Variants in GBX2 observed in about 807,000 individuals in gnomAD.
GBX2 encodes gastrulation brain homeobox 2, also known as homeobox protein GBX-2.
Under a neutral mutation model 22.4 loss-of-function variants are expected in GBX2, and 5 were observed. That is an observed-to-expected ratio of 0.22 (90% CI 0.12 to 0.47). GBX2 has a LOEUF of 0.47. Among genes scored for constraint, GBX2 ranks in the 20% least tolerant of loss-of-function variants. The pLI, the probability that GBX2 is intolerant of heterozygous loss-of-function variation, is 0.99. For synonymous variants in GBX2, 220 were observed against 230.5 expected (o/e 0.95, Z 0.41); for missense variants, 470 against 495.4 (o/e 0.95, Z 0.49).
At chr2:236,162,772 T>C (rs1319938437), downstream of GBX2, among the ~76,000 whole-genome samples, 2 of 152,350 alleles carry the variant, frequency 1.3e-5, no homozygotes, top group African/African-American at 4.8e-5. Flanking sequence ...GTGGAATTTA[T>C]TGTAACAACA....
At chr2:236,164,733 G>A (rs1322531637), downstream of GBX2, among the ~76,000 whole-genome samples, 2 of 152,304 alleles carry the variant, frequency 1.3e-5, no homozygotes, top group African/African-American at 2.4e-5. Flanking sequence ...AGCCGGCTGG[G>A]CTCGCTGGGT....
chr2:236,167,092 C>T, intron 1 of GBX2: 1 of 1,519,094 alleles, frequency 6.6e-7, no homozygotes, highest in Non-Finnish European at 8.8e-7. Flanking sequence ...ACACGCACGG[C>T]TGAGACGCGC....
Position 236,167,440 on chromosome 2 carries a change from C to G in GBX2, c.523+9G>C. 1 of 1,510,898 alleles carries G rather than the reference C, an allele frequency of 6.6e-7. No homozygotes were observed. Among genetic ancestry groups the G allele is most frequent in the East Asian group, 2.6e-5 (1 of 37,808 alleles). The allele number at this position is 1,510,898 out of a possible 1,614,324, so 93.6% of individuals were successfully genotyped here. On this transcript the variant is annotated intron_variant, in intron 1 of 1. Transcript: ENST00000306318. ...CCCCTCGTCCCGGCTGCGCGCGCCG[C>G]CGACTCACCGAGCGAAGCCTGCACC...
chr2:236,167,993 G>A lies in GBX2; in HGVS notation c.-22C>T. 1.3e-6 allele frequency: 2 copies of A among 1,515,754 alleles called. No homozygotes were observed. The highest frequency in any genetic ancestry group is 2.8e-5 in the East Asian group (1 of 36,152). 93.9% of individuals were successfully genotyped at this position (1,515,754 alleles called of 1,614,324 possible). A position where few individuals can be genotyped will look rare whatever the true frequency, so the allele number is the denominator to read the frequency against. On this transcript the variant is annotated 5_prime_UTR_variant, in exon 1 of 2. Transcript: ENST00000306318. Reference sequence around the variant, plus strand: ...TCATAGACGCGCTCGGTAGAGGCCAGCGAGAGGCGAAAAGTCCCCGCGCCG... The same window carrying A: ...TCATAGACGCGCTCGGTAGAGGCCAACGAGAGGCGAAAAGTCCCCGCGCCG...
Position 236,167,786 on chromosome 2 carries a change from C to A in GBX2, c.186G>T (p.Pro62=). ...GCAGCGCGGCCTGGGGCAGCGCGGG[C>A]GGCGGCGGCGGCGGCGGCGGCAGCA... is the stretch of plus-strand genomic sequence containing the variant. ...PVVLPPPPPP[P]PALPQAALQP... is the part of the protein sequence containing the mutation. The change falls in exon 1 of 2, where the codon CCG becomes CCT. Residue 62 remains proline, a synonymous_variant. Transcript: ENST00000306318. 4 of 1,337,262 alleles carry A rather than the reference C, an allele frequency of 3.0e-6. No homozygotes were observed. In the South Asian group the frequency reaches 8.3e-5, roughly 28 times the overall value. 82.8% of individuals were successfully genotyped at this position (1,337,262 alleles called of 1,614,324 possible). A position where few individuals can be genotyped will look rare whatever the true frequency, so the allele number is the denominator to read the frequency against.
At position 236,167,137 on chromosome 2, in the gene GBX2, C is replaced by T. The variant is rs1170726188; in HGVS notation, c.523+312G>A. 6 of 1,535,452 alleles carry T rather than the reference C, an allele frequency of 3.9e-6. No homozygotes were observed. In the Admixed American group the frequency reaches 5.9e-5, roughly 15 times the overall value. ...CGTCTCCCCTAGAGGCTGCAACCTA[C>T]CCGGAACCCCAGGTCACCGCGGAGC... On this transcript the variant is annotated intron_variant, in intron 1 of 1. Coordinates refer to ENST00000306318, the MANE Select transcript of GBX2 (RefSeq NM_001485.4).
At chr2:236,161,727 C>T (rs1417732840), downstream of GBX2, among the ~76,000 whole-genome samples, 1 of 152,194 alleles carries the variant, frequency 6.6e-6, no homozygotes, top group African/African-American at 2.4e-5. Flanking sequence ...TAGGTGTGTG[C>T]ACTGGAGCCT....
rs112186240 is a variant in GBX2, at chr2:236,167,453, C to G, written c.519G>C (p.Ser173=). 0.11 allele frequency: 173,628 copies of G among 1,541,750 alleles called. 10,736 individuals are homozygous for G. Among genetic ancestry groups the G allele is most frequent in the South Asian group, 0.14 (12,084 of 84,768 alleles). The change falls in exon 1 of 2, where the codon TCG becomes TCC. Residue 173 remains serine (S), a synonymous_variant. Coordinates refer to ENST00000306318, the MANE Select transcript of GBX2 (RefSeq NM_001485.4). ...CTGCGCGCGCCGCCGACTCACCGAG[C>G]GAAGCCTGCACCGTCTCGGCCGCGG... ...AFSAAETVQA[S]LVGAVRGQGK...
Position 236,167,886 on chromosome 2 carries a change from C to A in GBX2, c.86G>T (p.Gly29Val). 6.4e-7 allele frequency: 1 copy of A among 1,553,072 alleles called. No homozygotes were observed. Among genetic ancestry groups the A allele is most frequent in the Non-Finnish European group, 8.7e-7 (1 of 1,153,056 alleles). ...GCCGGGGCTGGGCTGCGGCGGGCTG[C>A]CGATCAGCGAGTCTATGCTGAAGGC... ...STAFSIDSLI[G>V]SPPQPSPGHF... Residue 29 changes from glycine to valine, a missense_variant, in exon 1 of 2, where the codon GGC becomes GTC. Transcript: ENST00000306318.
chr2:236,166,224 T>G lies in GBX2; in HGVS notation c.737A>C (p.Lys246Thr). 6.2e-7 allele frequency: 1 copy of G among 1,613,784 alleles called. No individual in the cohort carries two copies. The change falls in exon 2 of 2, where the codon AAG (lysine) becomes ACG (threonine). Residue 246 changes from lysine (K) to threonine (T), a missense_variant. This residue lies in a region of GBX2 where 377 missense variants were observed against 358.6 expected (regional missense o/e 1.05). Transcript: ENST00000306318. The surrounding 1 kb of genome is among the most constrained non-coding windows in gnomAD (Gnocchi z 6.6). ...GAAGGCAGTCCGCCGCCGCCGGTTC[T>G]TGCCCGTAGACGTGGTGCTGCCCGC... ...GAAGSTTSTG[K>T]NRRRRTAFTS...
intron 1 of GBX2, chr2:236,167,011 C>T: frequency 8.2e-6 from 7 of 849,390 alleles, no homozygotes; most frequent in Non-Finnish European, 1.3e-5. Context: ...CACAGCCTCC[C>T]AGCAGTCCGT....
downstream of GBX2, among the ~76,000 whole-genome samples, chr2:236,163,177 C>G (rs966395727): frequency 6.6e-6 from 1 of 152,170 alleles, no homozygotes; most frequent in African/African-American, 2.4e-5. Flanking sequence ...GGCCATCAAG[C>G]GCTGCTTGTT....
In GBX2 at chr2:236,166,336, A is replaced by G. The variant is rs761956735; in HGVS notation, c.625T>C (p.Ser209Pro). The G allele has an allele frequency of 6.2e-7, 1 of 1,613,894 alleles. No homozygotes were observed. The change falls in exon 2 of 2, where the codon TCG becomes CCG. Residue 209 changes from serine (S) to proline (P), a missense_variant. This residue lies in a region of GBX2 where 377 missense variants were observed against 358.6 expected (regional missense o/e 1.05). Transcript: ENST00000306318. The surrounding 1 kb of genome is among the most constrained non-coding windows in gnomAD (Gnocchi z 6.6). Reference sequence around the variant, plus strand: ...GCCTGGCCAGTCAGATTGTCATCCGAGCTGTAGTCCACATCGCTCTCCAGC... The same window carrying G: ...GCCTGGCCAGTCAGATTGTCATCCGGGCTGTAGTCCACATCGCTCTCCAGC... ...FSLESDVDYS[S>P]DDNLTGQAAH...
chr2:236,167,643 C>T lies in GBX2; in HGVS notation c.329G>A (p.Gly110Asp). The T allele has an allele frequency of 6.3e-7, 1 of 1,593,238 alleles. No individual in the cohort carries two copies. The highest frequency in any genetic ancestry group is 8.5e-7 in the Non-Finnish European group (1 of 1,174,772). ...GTGCTGGGGCGACGCGGAGAAGCCG[C>T]CGGGGAGCGTGGCCATGAGCGTAGA... is the stretch of plus-strand genomic sequence containing the variant. Reference protein sequence around the residue: ...LTSTLMATLPGGFSASPQHQE... With the variant: ...LTSTLMATLPDGFSASPQHQE... The change falls in exon 1 of 2, where the codon GGC (glycine) becomes GAC (aspartate). Residue 110 changes from glycine to aspartate, a missense_variant. Transcript: ENST00000306318.
chr2:236,162,503 A>G (rs2060217450), downstream of GBX2, among the ~76,000 whole-genome samples: 1 of 152,192 alleles, frequency 6.6e-6, no homozygotes, highest in Non-Finnish European at 1.5e-5. Flanking sequence ...GACCAAACTA[A>G]AGAGGGTCCT....
chr2:236,167,437 C>G lies in GBX2; in HGVS notation c.523+12G>C. ...CGCCCCCTCGTCCCGGCTGCGCGCG[C>G]CGCCGACTCACCGAGCGAAGCCTGC... is the stretch of plus-strand genomic sequence containing the variant. On this transcript the variant is annotated intron_variant, in intron 1 of 1. Transcript: ENST00000306318. The G allele has an allele frequency of 2.7e-6, 4 of 1,504,228 alleles. No individual in the cohort carries two copies. The highest frequency in any genetic ancestry group is 3.5e-6 in the Non-Finnish European group (4 of 1,138,666). The allele number at this position is 1,504,228 out of a possible 1,614,324, so 93.2% of individuals were successfully genotyped here. A position where few individuals can be genotyped will look rare whatever the true frequency, so the allele number is the denominator to read the frequency against.
At position 236,167,816 on chromosome 2, in the gene GBX2, C is replaced by T. The variant is rs1297860378; in HGVS notation, c.156G>A (p.Pro52=). The T allele has an allele frequency of 3.5e-6, 5 of 1,439,780 alleles. No homozygotes were observed. The highest frequency in any genetic ancestry group is 3.0e-5 in the African/African-American group (2 of 67,682). The allele number at this position is 1,439,780 out of a possible 1,614,324, so 89.2% of individuals were successfully genotyped here. The change falls in exon 1 of 2, where the codon CCG becomes CCA. Residue 52 remains proline, a synonymous_variant. Transcript: ENST00000306318. ...TGYPMFMPYR[P]VVLPPPPPPP... ...GCGGCGGCGGCGGCGGCAGCACTACCGGCCGGTAGGGCATGAACATGGGGT... is the reference window on the plus strand; with the variant it reads ...GCGGCGGCGGCGGCGGCAGCACTACTGGCCGGTAGGGCATGAACATGGGGT...
Position 236,168,101 on chromosome 2 carries a change from C to G in GBX2, c.-130G>C. ...GGCCGAGCGGGACCCGGAGAGCAGACGCCTCCGCCCCTCAGTCCTGGGCCC... is the reference window on the plus strand; with the variant it reads ...GGCCGAGCGGGACCCGGAGAGCAGAGGCCTCCGCCCCTCAGTCCTGGGCCC... On this transcript the variant is annotated 5_prime_UTR_variant, in exon 1 of 2. Coordinates refer to ENST00000306318, the MANE Select transcript of GBX2 (RefSeq NM_001485.4). The G allele has an allele frequency of 1.0e-6, 1 of 979,766 alleles. No individual in the cohort carries two copies. The highest frequency in any genetic ancestry group is 1.4e-6 in the Non-Finnish European group (1 of 739,626). The allele number at this position is 979,766 out of a possible 1,614,324, so 60.7% of individuals were successfully genotyped here. A position where few individuals can be genotyped will look rare whatever the true frequency, so the allele number is the denominator to read the frequency against.
At chr2:236,162,655 G>A (rs940000610), downstream of GBX2, among the ~76,000 whole-genome samples, 54 of 152,330 alleles carry the variant, frequency 3.5e-4, no homozygotes, top group African/African-American at 1.3e-3. Flanking sequence ...ACCTCTGCCT[G>A]GGTCGGTGGC....
Sources: allele counts gnomAD v4.1 joint callset (sites outside exome capture counted in the v4.1 genomes callset), GRCh38; gene constraint gnomAD v4.1.1; regional missense constraint gnomAD v4.1.1; non-coding constraint Gnocchi (gnomAD v3.1); transcripts MANE v1.5; gene names NCBI Gene and HGNC (gene_info 2026-07-23, HGNC 2026-07-21).